Variants in TMEM59 observed in about 807,000 individuals in gnomAD.
TMEM59 encodes the protein transmembrane protein 59.
TMEM59 carries 44 observed loss-of-function variants against 42.2 expected under a neutral mutation model. That is an observed-to-expected ratio of 1.04 (90% CI 0.82 to 1.34). The LOEUF (loss-of-function observed/expected upper bound fraction) is 1.34. Among genes scored for constraint, TMEM59 ranks in the 40% most tolerant of loss-of-function variants. The probability of loss-of-function intolerance (pLI) is 0.00; values close to 1 mark genes in which losing one functional copy is unlikely to be tolerated. For missense variants in TMEM59, 359 were observed against 382.8 expected (o/e 0.94, Z 0.52); for synonymous variants, 148 against 145.8 (o/e 1.02, Z -0.11).
At position 54,038,247 on chromosome 1, in the gene TMEM59, T is replaced by C. The variant is rs1569943260; in HGVS notation, c.708-1529A>G. Among the ~76,000 whole-genome samples, 7 of 152,254 alleles carry C rather than the reference T, an allele frequency of 4.6e-5. No individual in the cohort carries two copies. The South Asian group carries it at 1.4e-3, about 32-fold the overall frequency. On this transcript the variant is annotated intron_variant, in intron 6 of 7. Coordinates refer to ENST00000234831, the MANE Select transcript of TMEM59 (RefSeq NM_004872.5). ...ATACACATTGAGCAGGAGGCCAGTA[T>C]ATCTGAAAAAAAAATTTTAAGTAAA...
In TMEM59 at chr1:54,036,722, G is replaced by GAA; in HGVS notation, c.708-6_708-5dup. 4.1e-6 allele frequency: 6 copies of GAA among 1,467,414 alleles called. No homozygotes were observed. Among genetic ancestry groups the GAA allele is most frequent in the South Asian group, 1.4e-5 (1 of 72,944 alleles). 90.9% of individuals were successfully genotyped at this position (1,467,414 alleles called of 1,614,324 possible). On this transcript the variant is annotated splice_region_variant and splice_polypyrimidine_tract_variant and intron_variant, in intron 6 of 7. Coordinates refer to ENST00000234831, the MANE Select transcript of TMEM59 (RefSeq NM_004872.5). ...AGTTAAAATCCACCCAGAGTTACTG[G>GAA]AAAAAAAAAATCAACAATTAGTTAT...
upstream of TMEM59, chr1:54,053,369 A>G (rs1569982348): frequency 3.0e-6 from 2 of 671,372 alleles, no homozygotes; most frequent in East Asian, 5.5e-5. Flanking sequence ...TGGGACTACG[A>G]ACTTCTTCTC....
chr1:54,043,573 T>G, intron 3 of TMEM59, 48 bp from the exon 4 acceptor site: 1 of 1,237,304 alleles, frequency 8.1e-7, no homozygotes, highest in South Asian at 2.3e-5. Context: ...TATATATGTA[T>G]ATTCAAAAGA....
chr1:54,046,509 T>C (rs909508221), intron 2 of TMEM59, among the ~76,000 whole-genome samples: 2 of 152,186 alleles, frequency 1.3e-5, no homozygotes, highest in Admixed American at 1.3e-4. Context: ...AACTCAGTAA[T>C]GCATTTGTAA....
intron 7 of TMEM59, among the ~76,000 whole-genome samples, chr1:54,035,953 T>C (rs1238624718): frequency 6.6e-6 from 1 of 152,048 alleles, no homozygotes; most frequent in Non-Finnish European, 1.5e-5. Context: ...ATCCTTAATA[T>C]TGTGGTAATT....
At chr1:54,049,761 T>C (rs145755104) in intron 1 of TMEM59, among the ~76,000 whole-genome samples, 78 of 152,280 alleles carry the variant, frequency 5.1e-4, no homozygotes, top group African/African-American at 1.7e-3. Context: ...TAAGGACCCA[T>C]TCAGCCCAGG....
chr1:54,041,439 G>A (rs1483292763), intron 5 of TMEM59, among the ~76,000 whole-genome samples: 1 of 152,212 alleles, frequency 6.6e-6, no homozygotes, highest in Non-Finnish European at 1.5e-5. Context: ...GATTTTCAAA[G>A]TGTGGCCCCC....
chr1:54,048,153 AT>A (rs1324365111), intron 1 of TMEM59: 10 of 152,242 alleles, frequency 6.6e-5, no homozygotes, highest in Non-Finnish European at 1.5e-4. Flanking sequence ...CAAGGGCCTG[AT>A]AAAGTAAGGT....
Position 54,036,691 on chromosome 1 carries a change from A to G in TMEM59, c.735T>C (p.Thr245=), listed in dbSNP as rs763198427. Residue 245 remains threonine, a synonymous_variant, in exon 7 of 8, where the codon ACT becomes ACC. Coordinates refer to ENST00000234831, the MANE Select transcript of TMEM59 (RefSeq NM_004872.5). Reference sequence around the variant, plus strand: ...GCAATACCATCACCGAGAGGACAAGAGTTGTAGTTAAAATCCACCCAGAGT... The same window carrying G: ...GCAATACCATCACCGAGAGGACAAGGGTTGTAGTTAAAATCCACCCAGAGT... ...SLNSGWILTT[T]LVLSVMVLLW... is the part of the protein sequence containing the mutation. The G allele has an allele frequency of 3.1e-6, 5 of 1,607,068 alleles. No individual in the cohort carries two copies. Among genetic ancestry groups the G allele is most frequent in the Non-Finnish European group, 4.2e-6 (5 of 1,177,270 alleles).
chr1:54,048,158 G>A (rs1031244634), intron 1 of TMEM59: 10 of 152,172 alleles, frequency 6.6e-5, no homozygotes, highest in Non-Finnish European at 1.5e-4. Context: ...GCCTGATAAA[G>A]TAAGGTATAC....
chr1:54,036,241 C>T (rs985552884), intron 7 of TMEM59, among the ~76,000 whole-genome samples: 3 of 151,668 alleles, frequency 2.0e-5, no homozygotes, highest in Non-Finnish European at 4.4e-5. Context: ...AGATCCTGGC[C>T]ACTGCACTCT....
intron 4 of TMEM59, among the ~76,000 whole-genome samples, chr1:54,042,055 TG>T (rs1177097255): frequency 4.4e-4 from 66 of 151,184 alleles, no homozygotes; most frequent in African/African-American, 9.2e-4. Flanking sequence ...CGTTTTGTTT[TG>T]TTTTTTTTTT....
chr1:54,047,286 A>G lies in TMEM59; in HGVS notation c.276T>C (p.Thr92=), dbSNP rs770307163. ...FVDDGIDLNR[T]KLECESACTE... Reference sequence around the variant, plus strand: ...TCTTACCAGATTCACATTCCAATTTAGTTCGATTTAAGTCAATTCCATCAT... The same window carrying G: ...TCTTACCAGATTCACATTCCAATTTGGTTCGATTTAAGTCAATTCCATCAT... The change falls in exon 2 of 8, where the codon ACT becomes ACC. Residue 92 remains threonine, a synonymous_variant. Coordinates refer to ENST00000234831, the MANE Select transcript of TMEM59 (RefSeq NM_004872.5). The G allele has an allele frequency of 6.2e-7, 1 of 1,613,680 alleles. No individual in the cohort carries two copies. The highest frequency in any genetic ancestry group is 8.5e-7 in the Non-Finnish European group (1 of 1,179,858).
chr1:54,038,742 G>A (rs948393441), intron 6 of TMEM59, among the ~76,000 whole-genome samples: 21 of 152,222 alleles, frequency 1.4e-4, no homozygotes, highest in African/African-American at 4.6e-4. Context: ...ATAACCTTGC[G>A]AGTAGTCAAT....
chr1:54,043,349 G>A (rs146771823), intron 4 of TMEM59, 24 bp downstream of exon 4: 192 of 1,504,586 alleles, frequency 1.3e-4, no homozygotes, highest in Middle Eastern at 1.1e-3. Flanking sequence ...GTATTTAGAT[G>A]AATCCATGAA....
At chr1:54,052,073 G>A (rs934179881) in intron 1 of TMEM59, among the ~76,000 whole-genome samples, 1 of 152,164 alleles carries the variant, frequency 6.6e-6, no homozygotes, top group African/African-American at 2.4e-5. Context: ...AAGGAAAAAC[G>A]AAGAGGAAAC....
At chr1:54,038,843 A>G (rs1246794695) in intron 6 of TMEM59, among the ~76,000 whole-genome samples, 2 of 151,716 alleles carry the variant, frequency 1.3e-5, no homozygotes, top group Non-Finnish European at 2.9e-5. Context: ...TTAAAAAAAG[A>G]ACACTTAAAA....
chr1:54,036,585 T>G, intron 7 of TMEM59, 25 bp downstream of exon 7: 1 of 1,463,450 alleles, frequency 6.8e-7, no homozygotes, highest in Non-Finnish European at 9.1e-7. Context: ...GGGCTCAGTC[T>G]TCAAATGGTA....
At position 54,043,871 on chromosome 1, in the gene TMEM59, C is replaced by A. The variant is rs541044264; in HGVS notation, c.391-346G>T. 5 of 152,500 alleles carry A rather than the reference C, an allele frequency of 3.3e-5. No homozygotes were observed. In the South Asian group the frequency reaches 8.3e-4, roughly 25 times the overall value. 9.4% of individuals were successfully genotyped at this position (152,500 alleles called of 1,614,324 possible). A position where few individuals can be genotyped will look rare whatever the true frequency, so the allele number is the denominator to read the frequency against. ...AAGGGTAGAACGGGAAGGGACAAAT[C>A]GTATCATTCTCATCTTTAATGCTTT... On this transcript the variant is annotated intron_variant, in intron 3 of 7. Coordinates refer to ENST00000234831, the MANE Select transcript of TMEM59 (RefSeq NM_004872.5).
Sources: allele counts gnomAD v4.1 joint callset (sites outside exome capture counted in the v4.1 genomes callset), GRCh38; gene constraint gnomAD v4.1.1; transcripts MANE v1.5; gene names NCBI Gene and HGNC (gene_info 2026-07-23, HGNC 2026-07-21).